Variants in MYO3A observed in about 807,000 individuals in gnomAD.
MYO3A encodes the protein myosin-IIIa.
A neutral mutation model predicts 192.7 loss-of-function variants in MYO3A; 180 were observed. That is an observed-to-expected ratio of 0.93 (90% CI 0.83 to 1.06). The LOEUF (loss-of-function observed/expected upper bound fraction) is 1.06, where lower values mean the gene tolerates loss of function less well. Among genes scored for constraint, MYO3A ranks in the 50% least tolerant of loss-of-function variants. MYO3A has a pLI of 0.00. For synonymous variants in MYO3A, 628 were observed against 645.3 expected, an observed-to-expected ratio of 0.97 and a Z score of 0.41; for missense variants, 1,896 against 1,905.0, an observed-to-expected ratio of 1.00 and a Z score of 0.09.
At chr10:26,205,480 G>GGT (rs1843875980) in intron 34 of MYO3A, among the ~76,000 whole-genome samples, 2 of 100,512 alleles carry the variant, frequency 2.0e-5, no homozygotes, top group South Asian at 3.0e-4. Context: ...TTTTTTTTTT[G>GGT]GGGGGGGGCT....
chr10:26,173,884 T>G lies in MYO3A; in HGVS notation c.3620T>G (p.Val1207Gly). The stretch of plus-strand genomic sequence containing the variant: ...GAGGTTAAGCAAGAATTCTACCTTG[T>G]AGGGCCAGAAGTAAGCCCCAAACAG... ...EEEVKQEFYLVGPEVSPKQKS... is the reference protein window; with the variant it reads ...EEEVKQEFYLGGPEVSPKQKS... Residue 1207 changes from valine (V) to glycine (G), a missense_variant, in exon 30 of 35, where the codon GTA becomes GGA. Physicochemically the swap from Val to Gly is moderately radical, Grantham distance 109. Transcript: ENST00000642920. 1 of 1,614,022 alleles carries G rather than the reference T, an allele frequency of 6.2e-7. No individual in the cohort carries two copies. The highest frequency in any genetic ancestry group is 1.7e-5 in the Admixed American group (1 of 60,030).
Position 25,954,860 on chromosome 10 carries a change from C to A in MYO3A, c.169-14C>A, listed in dbSNP as rs762424736. The A allele has an allele frequency of 6.2e-7, 1 of 1,610,004 alleles. No homozygotes were observed. The highest frequency in any genetic ancestry group is 1.1e-5 in the South Asian group (1 of 90,934). ...TTTTCTCACAGTTCTATTCTTATGA[C>A]TTTTTGAAACTAGGATATTGACGAA... On this transcript the variant is annotated splice_polypyrimidine_tract_variant and intron_variant, in intron 3 of 34. Coordinates refer to ENST00000642920, the MANE Select transcript of MYO3A (RefSeq NM_017433.5).
At chr10:26,027,367 C>A (rs766132472) in intron 10 of MYO3A, among the ~76,000 whole-genome samples, 40 of 151,652 alleles carry the variant, frequency 2.6e-4, no homozygotes, top group Non-Finnish European at 4.6e-4. Flanking sequence ...TTTTTTGAGA[C>A]AGGGTCTCAC....
chr10:25,960,824 A>G (rs1183301399), intron 4 of MYO3A, among the ~76,000 whole-genome samples: 1 of 152,160 alleles, frequency 6.6e-6, no homozygotes, highest in African/African-American at 2.4e-5. Flanking sequence ...ATTAACATGT[A>G]AGTGGACCCA....
At position 26,159,009 on chromosome 10, in the gene MYO3A, A is replaced by ATT. The variant is rs200816614; in HGVS notation, c.2999+1509_2999+1510dup. Reference sequence around the variant, plus strand: ...ATGAGAATTCTGATTATTTCTGCTAATTTTTTTTTTTTTTTTGAGACGGAG... The same window carrying ATT: ...ATGAGAATTCTGATTATTTCTGCTAATTTTTTTTTTTTTTTTTTGAGACGGAG... On this transcript the variant is annotated intron_variant, in intron 26 of 34. Coordinates refer to ENST00000642920, the MANE Select transcript of MYO3A (RefSeq NM_017433.5). 5.4e-4 allele frequency among the ~76,000 whole-genome samples: 78 copies of ATT among 143,914 alleles called. 1 individual carries two copies. In the South Asian group the frequency reaches 9.1e-3, roughly 17 times the overall value. 94.4% of individuals were successfully genotyped at this position (143,914 alleles called of 152,430 possible).
At chr10:26,110,080 T>C (rs1489368904) in intron 17 of MYO3A, among the ~76,000 whole-genome samples, 2 of 152,198 alleles carry the variant, frequency 1.3e-5, no homozygotes, top group Non-Finnish European at 2.9e-5. Context: ...GAAGACACTT[T>C]ACTCGCAAAA....
At chr10:26,062,927 T>C (rs1834601621) in intron 10 of MYO3A, among the ~76,000 whole-genome samples, 1 of 152,064 alleles carries the variant, frequency 6.6e-6, no homozygotes, top group Non-Finnish European at 1.5e-5. Flanking sequence ...CATTTTGAGA[T>C]AAAAGGGAAG....
intron 14 of MYO3A, among the ~76,000 whole-genome samples, chr10:26,087,378 T>C (rs1035805913): frequency 2.6e-5 from 4 of 152,178 alleles, no homozygotes; most frequent in Non-Finnish European, 5.9e-5. Context: ...TAGCCACCAC[T>C]GCTCTCCCTC....
chr10:26,128,820 T>C (rs754203517), intron 20 of MYO3A, among the ~76,000 whole-genome samples: 28 of 152,228 alleles, frequency 1.8e-4, no homozygotes, highest in Non-Finnish European at 3.2e-4. Context: ...GATATTTCCT[T>C]TGAAAATTTA....
chr10:26,199,861 T>C (rs1303524537), intron 32 of MYO3A, among the ~76,000 whole-genome samples: 1 of 151,960 alleles, frequency 6.6e-6, no homozygotes, highest in African/African-American at 2.4e-5. Flanking sequence ...AAAAGGGACT[T>C]TTTTTCAGGT....
At chr10:25,941,524 C>T (rs1199527094) in intron 2 of MYO3A, among the ~76,000 whole-genome samples, 5 of 152,102 alleles carry the variant, frequency 3.3e-5, no homozygotes, top group Non-Finnish European at 5.9e-5. Context: ...TCTCCTCTCC[C>T]TATCTTTTAA....
intron 10 of MYO3A, among the ~76,000 whole-genome samples, chr10:26,047,794 A>G (rs1239826918): frequency 6.6e-6 from 1 of 151,954 alleles, no homozygotes; most frequent in East Asian, 1.9e-4. Flanking sequence ...ATTAAAAAAG[A>G]AAGAAAAGAC....
intron 23 of MYO3A, among the ~76,000 whole-genome samples, chr10:26,149,691 T>C (rs1283912683): frequency 6.6e-6 from 1 of 152,216 alleles, no homozygotes; most frequent in Admixed American, 6.5e-5. Context: ...TATACGTACA[T>C]TGTAGAATAA....
intron 10 of MYO3A, among the ~76,000 whole-genome samples, chr10:26,056,448 A>G (rs1314045916): frequency 6.6e-6 from 1 of 152,220 alleles, no homozygotes; most frequent in Non-Finnish European, 1.5e-5. Flanking sequence ...GTTAACGTCA[A>G]ATACTAAACC....
chr10:26,172,142 GGGA>G (rs1016668312), intron 29 of MYO3A, among the ~76,000 whole-genome samples: 2 of 152,210 alleles, frequency 1.3e-5, no homozygotes, highest in African/African-American at 4.8e-5. Flanking sequence ...AGTTAGGGAA[GGGA>G]GAAGCAGGTG....
At chr10:26,115,304 A>G (rs1838435331) in intron 17 of MYO3A, among the ~76,000 whole-genome samples, 1 of 152,200 alleles carries the variant, frequency 6.6e-6, no homozygotes, top group Non-Finnish European at 1.5e-5. Flanking sequence ...CTGTGTGCTA[A>G]TCATGCTTTT....
intron 20 of MYO3A, among the ~76,000 whole-genome samples, chr10:26,141,908 G>A (rs1840188533): frequency 6.6e-6 from 1 of 152,044 alleles, no homozygotes; most frequent in South Asian, 2.1e-4. Flanking sequence ...AGCTTCATAA[G>A]GCCCCTACCA....
chr10:25,935,221 A>G (rs1253122313), intron 1 of MYO3A, among the ~76,000 whole-genome samples: 2 of 152,236 alleles, frequency 1.3e-5, no homozygotes, highest in East Asian at 3.8e-4. Flanking sequence ...TGAGAAATAG[A>G]GAAACCTACC....
chr10:25,985,895 A>G (rs903006866), intron 4 of MYO3A, among the ~76,000 whole-genome samples: 3 of 152,160 alleles, frequency 2.0e-5, no homozygotes, highest in African/African-American at 7.2e-5. Context: ...TAACAAAAAA[A>G]GGAAACTGCA....
Sources: gnomAD v4.1 joint callset for allele counts (sites outside exome capture counted in the v4.1 genomes callset) on GRCh38, gnomAD v4.1.1 for gene constraint, MANE v1.5 for transcripts, NCBI Gene and HGNC (gene_info 2026-07-23, HGNC 2026-07-21) for gene names.